The following ZFHX3 variants were observed in gnomAD, a reference collection of about 807,000 sequenced individuals.
The protein encoded by ZFHX3 is zinc finger homeobox protein 3.
In ZFHX3, 42 loss-of-function variants were observed where a neutral mutation model predicts 279.1. The observed-to-expected ratio is 0.15, with a 90% CI of 0.12 to 0.19. The LOEUF is 0.19. ZFHX3 is among the 10% of genes least tolerant of loss of function. The probability of loss-of-function intolerance (pLI) is 1.00; values close to 1 mark genes in which losing one functional copy is unlikely to be tolerated. For missense variants in ZFHX3, 4,981 were observed against 4,754.0 expected, an observed-to-expected ratio of 1.05 and a Z score of -1.40; for synonymous variants, 2,293 against 1,957.8, an observed-to-expected ratio of 1.17 and a Z score of -4.52.
chr16:73,863,820 C>T (rs975095256), intron 1 of ZFHX3, among the ~76,000 whole-genome samples: 8 of 152,060 alleles, frequency 5.3e-5, no homozygotes, highest in East Asian at 1.9e-4. Flanking sequence ...GAATAAGTGC[C>T]GAAATGAAAC....
chr16:73,739,827 A>T lies in ZFHX3; in HGVS notation c.-1607-59587T>A, dbSNP rs13332962. 1.8e-4 allele frequency among the ~76,000 whole-genome samples: 28 copies of T among 152,240 alleles called. No individual in the cohort carries two copies. In the East Asian group the frequency reaches 3.5e-3, roughly 19 times the overall value. On this transcript the variant is annotated intron_variant, in intron 1 of 17. Coordinates refer to the ZFHX3 transcript ENST00000641206. ...TCTCACTCACCATTTCTCCTCCTTA[A>T]GGACATTTAGAAAATGTGAAGACTG...
intron 5 of ZFHX3, among the ~76,000 whole-genome samples, chr16:73,154,834 T>C (rs1967034050): frequency 1.3e-5 from 2 of 151,738 alleles, no homozygotes; most frequent in African/African-American, 2.4e-5. Context: ...GCAAAGATTG[T>C]GAAAATAAAC....
At chr16:73,145,836 T>C (rs543272187) in intron 5 of ZFHX3, among the ~76,000 whole-genome samples, 8 of 152,238 alleles carry the variant, frequency 5.3e-5, no homozygotes, top group South Asian at 2.1e-4. Flanking sequence ...GAAAAATAGA[T>C]ATAAGAGGTC....
intron 1 of ZFHX3, among the ~76,000 whole-genome samples, chr16:73,717,690 C>T (rs1233427340): frequency 6.6e-6 from 1 of 152,190 alleles, no homozygotes; most frequent in African/African-American, 2.4e-5. Context: ...CTCTTCCCCC[C>T]AGTTCCTAAA....
At chr16:72,940,568 G>A (rs1480642164) in intron 3 of ZFHX3, among the ~76,000 whole-genome samples, 1 of 152,090 alleles carries the variant, frequency 6.6e-6, no homozygotes, top group Non-Finnish European at 1.5e-5. Flanking sequence ...GCTCAGAAGG[G>A]GTTAGAAAGG....
At chr16:73,502,526 T>C (rs942668172) in intron 2 of ZFHX3, among the ~76,000 whole-genome samples, 3 of 152,214 alleles carry the variant, frequency 2.0e-5, no homozygotes, top group African/African-American at 4.8e-5. Flanking sequence ...GCATGGTGTC[T>C]AACCACTCCA....
chr16:72,794,783 T>G lies in ZFHX3; in HGVS notation c.7899A>C (p.Thr2633=), dbSNP rs1477827438. 1.2e-6 allele frequency: 2 copies of G among 1,614,246 alleles called. No homozygotes were observed. Among genetic ancestry groups the G allele is most frequent in the Admixed American group, 3.3e-5 (2 of 60,034 alleles). The change falls in exon 9 of 10, where the codon ACA becomes ACC. Residue 2633 remains threonine, a synonymous_variant. Transcript: ENST00000268489. The surrounding 1 kb of genome is among the most constrained non-coding windows in gnomAD (Gnocchi z 4.2). ...TGTCTCTCTGAGGCTCTTCTCCTCCTGTCCCACTGTCGTTTTCGCCAGGGC... is the reference window on the plus strand; with the variant it reads ...TGTCTCTCTGAGGCTCTTCTCCTCCGGTCCCACTGTCGTTTTCGCCAGGGC... ...SASPGENDSG[T]GGEEPQRDKR...
At position 73,328,481 on chromosome 16, in the gene ZFHX3, A is replaced by T. The variant is rs771123872; in HGVS notation, c.-1290-10145T>A. On this transcript the variant is annotated intron_variant, in intron 3 of 17. Transcript: ENST00000641206. Reference sequence around the variant, plus strand: ...TGTGGATTAACTCAATCTTCATGACATTTTAATGAGGCACGTTTAATTCTT... The same window carrying T: ...TGTGGATTAACTCAATCTTCATGACTTTTTAATGAGGCACGTTTAATTCTT... Among the ~76,000 whole-genome samples, 2 of 152,332 alleles carry T rather than the reference A, an allele frequency of 1.3e-5. 1 individual carries two copies. Among genetic ancestry groups the T allele is most frequent in the South Asian group, 4.1e-4 (2 of 4,822 alleles).
At chr16:73,697,510 T>G (rs1431034694) in intron 1 of ZFHX3, among the ~76,000 whole-genome samples, 2 of 152,192 alleles carry the variant, frequency 1.3e-5, no homozygotes, top group African/African-American at 4.8e-5. Context: ...CAAGTTGCTA[T>G]ATACCTGACA....
intron 4 of ZFHX3, among the ~76,000 whole-genome samples, chr16:72,885,372 A>G (rs1447829395): frequency 6.6e-6 from 1 of 152,262 alleles, no homozygotes. Context: ...TGGCAGATAT[A>G]GATCCTGGCT....
At chr16:73,561,203 A>C (rs1292376817) in intron 2 of ZFHX3, among the ~76,000 whole-genome samples, 1 of 152,188 alleles carries the variant, frequency 6.6e-6, no homozygotes, top group Non-Finnish European at 1.5e-5. Flanking sequence ...GAGACAGGAG[A>C]CTGAAATTCT....
At chr16:73,074,853 T>C (rs1965868251) in intron 8 of ZFHX3, among the ~76,000 whole-genome samples, 1 of 152,116 alleles carries the variant, frequency 6.6e-6, no homozygotes, top group Non-Finnish European at 1.5e-5. Flanking sequence ...TAGGCTGGAG[T>C]GCAGTGGCAC....
chr16:73,277,733 T>C (rs2014337866), intron 4 of ZFHX3, among the ~76,000 whole-genome samples: 1 of 152,212 alleles, frequency 6.6e-6, no homozygotes, highest in South Asian at 2.1e-4. Flanking sequence ...CGCATTGCTA[T>C]AATACTCGGG....
intron 2 of ZFHX3, among the ~76,000 whole-genome samples, chr16:73,578,904 C>A (rs77200902): frequency 2.4e-4 from 36 of 152,226 alleles, no homozygotes; most frequent in Middle Eastern, 6.8e-3. Context: ...CTGAATGCAC[C>A]TCTCCTCTCC....
At chr16:73,442,415 G>A (rs1208598488) in intron 3 of ZFHX3, among the ~76,000 whole-genome samples, 1 of 149,166 alleles carries the variant, frequency 6.7e-6, no homozygotes, top group African/African-American at 2.5e-5. Flanking sequence ...CTGGAGTGCT[G>A]TAGCACGATC....
At chr16:73,888,373 T>G (rs1260414556) in intron 1 of ZFHX3, among the ~76,000 whole-genome samples, 1 of 152,326 alleles carries the variant, frequency 6.6e-6, no homozygotes, top group Non-Finnish European at 1.5e-5. Context: ...GCTTTTGCCA[T>G]AGTTGTTGCT....
At chr16:73,715,209 A>G (rs2053402568) in intron 1 of ZFHX3, among the ~76,000 whole-genome samples, 1 of 152,070 alleles carries the variant, frequency 6.6e-6, no homozygotes, top group Non-Finnish European at 1.5e-5. Flanking sequence ...TGACCTCAAC[A>G]TGGGTTGAGA....
chr16:73,542,053 G>A (rs971508616), intron 2 of ZFHX3, among the ~76,000 whole-genome samples: 2 of 151,880 alleles, frequency 1.3e-5, no homozygotes, highest in African/African-American at 2.4e-5. Flanking sequence ...GCCCACCTCG[G>A]CCTCCCAAAA....
At chr16:73,472,627 C>T (rs1256664895) in intron 2 of ZFHX3, among the ~76,000 whole-genome samples, 1 of 152,200 alleles carries the variant, frequency 6.6e-6, no homozygotes, top group Non-Finnish European at 1.5e-5. Flanking sequence ...ACCGTCTGTG[C>T]CATGAGACTG....
Sources: gnomAD v4.1 joint callset for allele counts (sites outside exome capture counted in the v4.1 genomes callset) on GRCh38, gnomAD v4.1.1 for gene constraint, Gnocchi (gnomAD v3.1) non-coding constraint, MANE v1.5 for transcripts, NCBI Gene and HGNC (gene_info 2026-07-23, HGNC 2026-07-21) for gene names.